Variants in PTPRK observed in about 807,000 individuals in gnomAD.
The protein encoded by PTPRK is protein tyrosine phosphatase receptor type K.
Under a neutral mutation model 178.0 loss-of-function variants are expected in PTPRK, and 75 were observed. That is an observed-to-expected ratio of 0.42 (90% confidence interval 0.35 to 0.51). The LOEUF (loss-of-function observed/expected upper bound fraction) is 0.51. PTPRK is among the 20% of genes least tolerant of loss of function. The probability of loss-of-function intolerance (pLI) is 0.02; values close to 1 mark genes in which losing one functional copy is unlikely to be tolerated. For synonymous variants in PTPRK, 637 were observed against 620.6 expected, an observed-to-expected ratio of 1.03 and a Z score of -0.39; for missense variants, 1,441 against 1,797.8, an observed-to-expected ratio of 0.80 and a Z score of 3.59.
In PTPRK at chr6:128,064,794, C is replaced by T. The variant is rs1781469507; in HGVS notation, c.2158G>A (p.Glu720Lys). The T allele has an allele frequency of 6.3e-7, 1 of 1,577,410 alleles. No individual in the cohort carries two copies. The highest frequency in any genetic ancestry group is 8.6e-7 in the Non-Finnish European group (1 of 1,169,304). The change falls in exon 13 of 30, where the codon GAA becomes AAA. Residue 720 changes from glutamate (E) to lysine (K), a missense_variant and splice_region_variant. Around this residue, in one of 4 missense-constraint regions of PTPRK, gnomAD observed 945 missense variants for 1,080.6 expected, o/e 0.87. Coordinates refer to ENST00000368226, the MANE Select transcript of PTPRK (RefSeq NM_002844.4). ...ATGCGTACGCACTGGGTTTTAGTTT[C>T]CTGATAGAGTAAAAATGAAAAAAAA... ...YFQAMSSVEK[E>K]TKTQCVRIAT...
At chr6:128,449,439 C>G (rs529538648) in intron 1 of PTPRK, among the ~76,000 whole-genome samples, 2 of 152,226 alleles carry the variant, frequency 1.3e-5, no homozygotes, top group Admixed American at 1.3e-4. Flanking sequence ...CTTAACACAC[C>G]TAGAAGGACA....
At chr6:128,034,506 T>A (rs1775882605) in intron 13 of PTPRK, among the ~76,000 whole-genome samples, 1 of 152,166 alleles carries the variant, frequency 6.6e-6, no homozygotes, top group Admixed American at 6.5e-5. Flanking sequence ...ACAAAATTAT[T>A]AAATATACAC....
intron 3 of PTPRK, among the ~76,000 whole-genome samples, chr6:128,296,666 G>A (rs968424685): frequency 2.0e-4 from 31 of 152,184 alleles, no homozygotes; most frequent in African/African-American, 7.2e-4. Context: ...TTACAGACAA[G>A]CAAATGCTGA....
chr6:128,167,671 T>G (rs1799614704), intron 7 of PTPRK, among the ~76,000 whole-genome samples: 1 of 152,044 alleles, frequency 6.6e-6, no homozygotes. Context: ...CCAACCACAG[T>G]AAGGTTCCCT....
rs575344289 is a variant in PTPRK, at chr6:128,375,406, T to A, written c.223+22160A>T. 2.8e-4 allele frequency among the ~76,000 whole-genome samples: 40 copies of A among 145,120 alleles called. No individual in the cohort carries two copies. The South Asian group carries it at 3.1e-3, about 11-fold the overall frequency. ...AGCTTGTGCAGGGAAACAACCTTTT[T>A]AAAAAAAAAAACATCAGATCTCATG... On this transcript the variant is annotated intron_variant, in intron 2 of 29. Coordinates refer to ENST00000368226, the MANE Select transcript of PTPRK (RefSeq NM_002844.4).
intron 1 of PTPRK, among the ~76,000 whole-genome samples, chr6:128,480,890 AT>A (rs1851989454): frequency 6.6e-6 from 1 of 152,168 alleles, no homozygotes; most frequent in Non-Finnish European, 1.5e-5. Context: ...TATTCAAGCC[AT>A]TAAAAATACT....
At chr6:128,141,122 C>T (rs1795712497) in intron 7 of PTPRK, among the ~76,000 whole-genome samples, 1 of 151,858 alleles carries the variant, frequency 6.6e-6, no homozygotes, top group African/African-American at 2.4e-5. Flanking sequence ...CTTGATGGAA[C>T]TAAAGTACAA....
At position 128,491,235 on chromosome 6, in the gene PTPRK, GA is replaced by G. The variant is rs1853722836; in HGVS notation, c.100+29023del. On this transcript the variant is annotated intron_variant, in intron 1 of 29. Transcript: ENST00000368226. ...CCACAAATCACAGCATCAAGTGGAT[GA>G]AAACAGACATTTGCAGTCTGTCTTT... Among the ~76,000 whole-genome samples, 3 of 152,340 alleles carry G rather than the reference GA, an allele frequency of 2.0e-5. No individual in the cohort carries two copies. The South Asian group carries it at 6.2e-4, about 32-fold the overall frequency.
intron 7 of PTPRK, among the ~76,000 whole-genome samples, chr6:128,135,806 C>A (rs1348965669): frequency 6.7e-6 from 1 of 150,336 alleles, no homozygotes; most frequent in Non-Finnish European, 1.5e-5. Flanking sequence ...AGAGGTTGGC[C>A]ATTGTGATCA....
intron 2 of PTPRK, among the ~76,000 whole-genome samples, chr6:128,345,797 T>C (rs2128334433): frequency 6.6e-6 from 1 of 152,288 alleles, no homozygotes; most frequent in South Asian, 2.1e-4. Flanking sequence ...CCCATTAAGG[T>C]GTTTAATGAA....
chr6:128,083,863 C>CCAAG, intron 8 of PTPRK, 39 bp from the exon 9 acceptor site: 1 of 1,120,160 alleles, frequency 8.9e-7, no homozygotes, highest in South Asian at 1.8e-5. Flanking sequence ...AAAATGCTTA[C>CCAAG]ATTAGAAACA....
intron 2 of PTPRK, among the ~76,000 whole-genome samples, chr6:128,374,353 C>T (rs1198331063): frequency 6.6e-6 from 1 of 152,092 alleles, no homozygotes; most frequent in Non-Finnish European, 1.5e-5. Context: ...AATAAAGACT[C>T]CAAAGTGTGT....
intron 1 of PTPRK, chr6:128,491,784 G>A (rs1204098165): frequency 9.6e-6 from 5 of 518,378 alleles, no homozygotes; most frequent in South Asian, 4.2e-5. Flanking sequence ...CGTGATAGAT[G>A]GCGAATGGAA....
chr6:128,370,555 T>C (rs1347781960), intron 2 of PTPRK, among the ~76,000 whole-genome samples: 2 of 152,140 alleles, frequency 1.3e-5, no homozygotes, highest in African/African-American at 2.4e-5. Flanking sequence ...TAGCTTTTTT[T>C]ACTTTAAAAT....
In PTPRK at chr6:128,451,378, T is replaced by G. The variant is rs577402411; in HGVS notation, c.101-53690A>C. Among the ~76,000 whole-genome samples the G allele has an allele frequency of 1.8e-4, 27 of 152,300 alleles. No homozygotes were observed. The South Asian group carries it at 5.6e-3, about 32-fold the overall frequency. ...TAAAGTTTTAGATTCTGATTCAAACTCTTAAGAAATTATAATCTGTAGACT... is the reference window on the plus strand; with the variant it reads ...TAAAGTTTTAGATTCTGATTCAAACGCTTAAGAAATTATAATCTGTAGACT... On this transcript the variant is annotated intron_variant, in intron 1 of 29. Coordinates refer to ENST00000368226, the MANE Select transcript of PTPRK (RefSeq NM_002844.4).
intron 8 of PTPRK, among the ~76,000 whole-genome samples, chr6:128,084,678 G>A (rs770880268): frequency 5.9e-5 from 9 of 152,100 alleles, no homozygotes; most frequent in Non-Finnish European, 1.0e-4. Context: ...CAAAATACCA[G>A]ATAAAAAATT....
chr6:128,397,430 C>T (rs1562437842), intron 2 of PTPRK, 136 bp downstream of exon 2: 1 of 1,018,160 alleles, frequency 9.8e-7, no homozygotes, highest in Non-Finnish European at 1.4e-6. Flanking sequence ...AAGAATAAGG[C>T]TCTTAGAAGT....
At chr6:127,971,945 T>A (rs1277832922) in intron 29 of PTPRK, among the ~76,000 whole-genome samples, 2 of 151,960 alleles carry the variant, frequency 1.3e-5, no homozygotes, top group Non-Finnish European at 2.9e-5. Context: ...CTCCGATTCA[T>A]CCCCCCTTTC....
intron 13 of PTPRK, among the ~76,000 whole-genome samples, chr6:128,041,420 T>G (rs912691199): frequency 6.6e-6 from 1 of 152,078 alleles, no homozygotes; most frequent in Non-Finnish European, 1.5e-5. Flanking sequence ...ATACTTTGTT[T>G]GTCTATAATA....
Sources: allele counts gnomAD v4.1 joint callset (sites outside exome capture counted in the v4.1 genomes callset), GRCh38; gene constraint gnomAD v4.1.1; regional missense constraint gnomAD v4.1.1; transcripts MANE v1.5; gene names NCBI Gene and HGNC (gene_info 2026-07-23, HGNC 2026-07-21).